DHRS12: variants seen among roughly 807,000 people sequenced by gnomAD.
DHRS12 encodes the protein dehydrogenase/reductase SDR family member 12.
DHRS12 carries 29 observed loss-of-function variants against 32.1 expected under a neutral mutation model. That is an observed-to-expected ratio of 0.90 (90% CI 0.67 to 1.23). DHRS12 has a LOEUF of 1.23. DHRS12 is among the 50% of genes most tolerant of loss of function. DHRS12 has a pLI of 0.00. For synonymous variants in DHRS12, 150 were observed against 135.9 expected, an observed-to-expected ratio of 1.10 and a Z score of -0.72; for missense variants, 330 against 337.2, an observed-to-expected ratio of 0.98 and a Z score of 0.17.
At chr13:51,772,978 C>G (rs1954102644) in intron 6 of DHRS12, 1 of 985,358 alleles carries the variant, frequency 1.0e-6, no homozygotes, top group Non-Finnish European at 1.2e-6. Flanking sequence ...GGAAGGCACA[C>G]AGCAGCGACA....
In DHRS12 at chr13:51,769,190, G is replaced by A. The variant is rs1953894247; in HGVS notation, c.663C>T (p.Ala221=). 1 of 1,558,554 alleles carries A rather than the reference G, an allele frequency of 6.4e-7. No homozygotes were observed. Residue 221 remains alanine (A), a synonymous_variant, in exon 8 of 9, where the codon GCC becomes GCT. Transcript: ENST00000444610. ...DTMLWLALSS[A]AAAQPSGRFF... ...AGCGGCCGCTGGGCTGTGCGGCTGCGGCAGAGGAGAGGGCCAGCCACAGCA... is the reference window on the plus strand; with the variant it reads ...AGCGGCCGCTGGGCTGTGCGGCTGCAGCAGAGGAGAGGGCCAGCCACAGCA...
chr13:51,771,237 T>C lies in DHRS12; in HGVS notation c.559+584A>G, dbSNP rs1347895431. The C allele has an allele frequency of 3.2e-6, 5 of 1,551,762 alleles. No homozygotes were observed. The South Asian group carries it at 5.9e-5, about 18-fold the overall frequency. On this transcript the variant is annotated intron_variant, in intron 7 of 8. Transcript: ENST00000444610. ...GGGTGTGTGCTGTGGCTGCTGCTGC[T>C]TTCAGTTCCCTTGTTTGTAGAGGAG... is the stretch of plus-strand genomic sequence containing the variant.
chr13:51,761,654 TTACTTCTCTAACTAGGGGGAAG>T, the DHRS12 span: 1 of 152,244 alleles, frequency 6.6e-6, no homozygotes, highest in East Asian at 1.9e-4. Context: ...CAATCATTCA[TTACTTCTCTAACTAGGGGGAAG>T]TACTACAAGC....
chr13:51,771,861 G>C lies in DHRS12; in HGVS notation c.519C>G (p.Ile173Met), dbSNP rs372666606. ...AGCCAGGATGCATGGAAGAAAAATG[G>C]ATGGCCGGGTGCCCTTGGGCCCACC... The part of the protein sequence containing the change: ...TERWAQGHPA[I>M]HFSSMHPGWA... Residue 173 changes from isoleucine (I) to methionine (M), a missense_variant, in exon 7 of 9, where the codon ATC becomes ATG. Coordinates refer to ENST00000444610, the MANE Select transcript of DHRS12 (RefSeq NM_001377533.1). 6.2e-7 allele frequency: 1 copy of C among 1,614,150 alleles called. No individual in the cohort carries two copies. Among genetic ancestry groups the C allele is most frequent in the East Asian group, 2.2e-5 (1 of 44,876 alleles).
chr13:51,762,779 C>T, the DHRS12 span: 3 of 152,220 alleles, frequency 2.0e-5, no homozygotes, highest in African/African-American at 7.2e-5. Context: ...GCAGCTTTTA[C>T]AAATAATGCC....
At chr13:51,773,054 C>T (rs1954108309) in intron 6 of DHRS12, 4 of 985,416 alleles carry the variant, frequency 4.1e-6, no homozygotes, top group Non-Finnish European at 4.8e-6. Context: ...AATTTAAGGG[C>T]AAGAACTGTA....
chr13:51,798,052 G>A, intron 2 of DHRS12: 2 of 790,440 alleles, frequency 2.5e-6, no homozygotes, highest in Non-Finnish European at 4.1e-6. Flanking sequence ...GTTAAGAGCA[G>A]CAAGGGCGAT....
At position 51,768,049 on chromosome 13, in the gene DHRS12, A is replaced by G; in HGVS notation, c.*138T>C. 1 of 1,438,482 alleles carries G rather than the reference A, an allele frequency of 7.0e-7. No homozygotes were observed. The highest frequency in any genetic ancestry group is 9.1e-7 in the Non-Finnish European group (1 of 1,100,338). The allele number at this position is 1,438,482 out of a possible 1,614,324, so 89.1% of individuals were successfully genotyped here. A position where few individuals can be genotyped will look rare whatever the true frequency, so the allele number is the denominator to read the frequency against. ...TATTTATTTTGAAATAAAAGTTCCCATCCCTTGTAGGCCTCGCTGTGAGGC... is the reference window on the plus strand; with the variant it reads ...TATTTATTTTGAAATAAAAGTTCCCGTCCCTTGTAGGCCTCGCTGTGAGGC... On this transcript the variant is annotated 3_prime_UTR_variant, in exon 9 of 9. Coordinates refer to ENST00000444610, the MANE Select transcript of DHRS12 (RefSeq NM_001377533.1).
intron 2 of DHRS12, among the ~76,000 whole-genome samples, chr13:51,791,564 T>C (rs537781647): frequency 2.6e-5 from 4 of 152,298 alleles, no homozygotes; most frequent in African/African-American, 7.2e-5. Flanking sequence ...CTTAACAATA[T>C]GTCTTTTAGT....
intron 1 of DHRS12, 89 bp downstream of exon 1, chr13:51,803,965 C>G (rs1955877269): frequency 1.7e-6 from 2 of 1,212,014 alleles, no homozygotes; most frequent in Non-Finnish European, 2.1e-6. Flanking sequence ...GCGAAGGAGC[C>G]GCGGGCGCGT....
At chr13:51,802,580 G>C (rs1319331466) in intron 1 of DHRS12, among the ~76,000 whole-genome samples, 1 of 152,164 alleles carries the variant, frequency 6.6e-6, no homozygotes, top group African/African-American at 2.4e-5. Context: ...AACTGCCCCA[G>C]GGAATTATTA....
chr13:51,773,279 C>T (rs10870858), intron 6 of DHRS12, among the ~76,000 whole-genome samples: 5 of 152,100 alleles, frequency 3.3e-5, no homozygotes, highest in African/African-American at 9.7e-5. Context: ...GTGTCATATA[C>T]GCCTTTACAA....
chr13:51,774,163 TGTATTCTCCTACA>T (rs1323441651), intron 5 of DHRS12, 129 bp from the exon 6 acceptor site: 41 of 696,836 alleles, frequency 5.9e-5, no homozygotes, highest in African/African-American at 1.9e-4. Flanking sequence ...AGCAACACAT[TGTATTCTCCTACA>T]GTATTCTCCT....
At position 51,787,868 on chromosome 13, in the gene DHRS12, AAT is replaced by A. The variant is rs61044310; in HGVS notation, c.301+2141_301+2142del. Among the ~76,000 whole-genome samples, 5 of 114,254 alleles carry A rather than the reference AAT, an allele frequency of 4.4e-5. No homozygotes were observed. The East Asian group carries it at 1.1e-3, about 25-fold the overall frequency. The allele number at this position is 114,254 out of a possible 152,430, so 75.0% of individuals were successfully genotyped here. On this transcript the variant is annotated intron_variant, in intron 4 of 8. Transcript: ENST00000444610. ...AATATATAATTATATATAATATATA[AAT>A]ATATAATTATATATAATATATAAAT...
chr13:51,773,808 T>C lies in DHRS12; in HGVS notation c.468+122A>G, dbSNP rs1954168078. The C allele has an allele frequency of 5.0e-6, 4 of 806,486 alleles. 1 individual carries two copies. In the South Asian group the frequency reaches 6.6e-5, roughly 13 times the overall value. 50.0% of individuals were successfully genotyped at this position (806,486 alleles called of 1,614,324 possible). ...GGGAGCCCTCTTGGTGAGGGAACAT[T>C]TTCAGGTGCTGCATGAACTACTAAG... On this transcript the variant is annotated intron_variant, in intron 6 of 8. Coordinates refer to ENST00000444610, the MANE Select transcript of DHRS12 (RefSeq NM_001377533.1).
chr13:51,796,223 A>G (rs896861604), intron 2 of DHRS12, among the ~76,000 whole-genome samples: 7 of 152,178 alleles, frequency 4.6e-5, no homozygotes, highest in African/African-American at 7.2e-5. Context: ...TACCAAAGGT[A>G]GACCAGATGA....
intron 4 of DHRS12, among the ~76,000 whole-genome samples, chr13:51,787,429 C>A (rs1468499447): frequency 6.6e-6 from 1 of 151,922 alleles, no homozygotes; most frequent in African/African-American, 2.4e-5. Context: ...GCTGGTCACC[C>A]CCTCCCAGTA....
chr13:51,787,329 G>T (rs895405169), intron 4 of DHRS12, among the ~76,000 whole-genome samples: 1 of 152,082 alleles, frequency 6.6e-6, no homozygotes, highest in African/African-American at 2.4e-5. Context: ...CAAGGCCAAG[G>T]TCCCCAGATT....
intron 2 of DHRS12, among the ~76,000 whole-genome samples, chr13:51,798,855 C>T (rs879610207): frequency 1.3e-5 from 2 of 152,238 alleles, no homozygotes; most frequent in African/African-American, 4.8e-5. Context: ...TTTCTAGCCA[C>T]TGCAGAGCCA....
Sources: gnomAD v4.1 joint callset for allele counts (sites outside exome capture counted in the v4.1 genomes callset) on GRCh38, gnomAD v4.1.1 for gene constraint, MANE v1.5 for transcripts, NCBI Gene and HGNC (gene_info 2026-07-23, HGNC 2026-07-21) for gene names.